Variants in FHOD3 observed in about 807,000 individuals in gnomAD.
FHOD3 encodes FH1/FH2 domain-containing protein 3.
Under a neutral mutation model 173.0 loss-of-function variants are expected in FHOD3, and 90 were observed. That is an observed-to-expected ratio of 0.52 (90% CI 0.44 to 0.62). FHOD3 has a LOEUF of 0.62. Ranked by LOEUF, FHOD3 falls within the 20% of genes least tolerant of loss-of-function variation. The probability of loss-of-function intolerance (pLI) is 0.00; values close to 1 mark genes in which losing one functional copy is unlikely to be tolerated. For synonymous variants in FHOD3, 828 were observed against 823.0 expected, an observed-to-expected ratio of 1.01 and a Z score of -0.10; for missense variants, 1,945 against 2,034.7, an observed-to-expected ratio of 0.96 and a Z score of 0.85.
chr18:36,723,209 G>A (rs970557262), intron 19 of FHOD3, among the ~76,000 whole-genome samples: 1 of 152,214 alleles, frequency 6.6e-6, no homozygotes, highest in South Asian at 2.1e-4. Flanking sequence ...TTAACAGTTG[G>A]CCTCTGCTCT....
chr18:36,706,617 T>C (rs893219524), intron 17 of FHOD3, among the ~76,000 whole-genome samples: 3 of 152,190 alleles, frequency 2.0e-5, no homozygotes, highest in Non-Finnish European at 4.4e-5. Context: ...GAATGGAACA[T>C]GGCAGTGCAC....
intron 3 of FHOD3, among the ~76,000 whole-genome samples, chr18:36,410,083 G>C (rs12956541): frequency 0.14 from 21,359 of 152,126 alleles, 1,941 homozygotes; most frequent in Middle Eastern, 0.33. Context: ...TTGTCACAGA[G>C]TTATGCAACC....
chr18:36,724,961 T>C (rs1476171466), intron 19 of FHOD3, among the ~76,000 whole-genome samples: 1 of 152,206 alleles, frequency 6.6e-6, no homozygotes, highest in East Asian at 1.9e-4. Flanking sequence ...AGAAGCAAGG[T>C]CCTCTCTTTC....
chr18:36,615,921 A>G (rs1397773168), intron 9 of FHOD3, among the ~76,000 whole-genome samples: 1 of 152,158 alleles, frequency 6.6e-6, no homozygotes, highest in African/African-American at 2.4e-5. Flanking sequence ...TGGGCCCAAC[A>G]TATTTGCTGG....
intron 3 of FHOD3, among the ~76,000 whole-genome samples, chr18:36,378,556 A>G (rs977693294): frequency 7.1e-6 from 1 of 141,464 alleles, no homozygotes; most frequent in Non-Finnish European, 1.5e-5. Flanking sequence ...TGGAATTGAC[A>G]GGTGTGTCCA....
At chr18:36,474,646 G>A (rs773258734) in intron 3 of FHOD3, among the ~76,000 whole-genome samples, 1 of 152,120 alleles carries the variant, frequency 6.6e-6, no homozygotes, top group Non-Finnish European at 1.5e-5. Flanking sequence ...GTAGGGTGGC[G>A]GCAAGCCTTG....
chr18:36,508,269 CTT>C (rs112692459), intron 4 of FHOD3, among the ~76,000 whole-genome samples: 3 of 145,954 alleles, frequency 2.1e-5, no homozygotes, highest in African/African-American at 7.5e-5. Context: ...AGCAAATAAG[CTT>C]TTTTTTTTTT....
intron 1 of FHOD3, among the ~76,000 whole-genome samples, chr18:36,309,405 A>G (rs934422547): frequency 3.3e-5 from 5 of 152,198 alleles, no homozygotes; most frequent in Admixed American, 3.3e-4. Flanking sequence ...GCAGAGTCCA[A>G]CTGCCCTTCT....
intron 20 of FHOD3, among the ~76,000 whole-genome samples, chr18:36,735,975 G>A (rs1268342990): frequency 1.3e-5 from 2 of 152,230 alleles, no homozygotes; most frequent in Admixed American, 6.5e-5. Flanking sequence ...TATACTTAGA[G>A]CAATGCTGGA....
chr18:36,495,376 C>G (rs532194992), intron 3 of FHOD3, among the ~76,000 whole-genome samples: 1 of 152,166 alleles, frequency 6.6e-6, no homozygotes, highest in African/African-American at 2.4e-5. Flanking sequence ...ATCTGCTCCC[C>G]TGCAACCTCC....
intron 3 of FHOD3, among the ~76,000 whole-genome samples, chr18:36,380,477 C>A (rs1375750690): frequency 1.4e-5 from 2 of 144,478 alleles, no homozygotes; most frequent in Non-Finnish European, 3.0e-5. Context: ...CCCTTCATTC[C>A]CCTCCCTCCC....
chr18:36,618,209 T>A (rs2033385101), intron 9 of FHOD3, among the ~76,000 whole-genome samples: 1 of 152,080 alleles, frequency 6.6e-6, no homozygotes, highest in Admixed American at 6.5e-5. Flanking sequence ...TTTACCTTGT[T>A]ATTTTTCTGG....
chr18:36,434,493 C>T (rs1211918461), intron 3 of FHOD3, among the ~76,000 whole-genome samples: 2 of 152,120 alleles, frequency 1.3e-5, no homozygotes, highest in Non-Finnish European at 2.9e-5. Context: ...TTAAGTAGTA[C>T]AAGTCTTCAA....
At chr18:36,420,664 A>G (rs2049940013) in intron 3 of FHOD3, among the ~76,000 whole-genome samples, 1 of 152,164 alleles carries the variant, frequency 6.6e-6, no homozygotes, top group South Asian at 2.1e-4. Context: ...ATTTTTTAAG[A>G]GCAGTGTTTG....
chr18:36,614,807 A>G (rs1487779467), intron 9 of FHOD3, among the ~76,000 whole-genome samples: 2 of 115,450 alleles, frequency 1.7e-5, no homozygotes, highest in Non-Finnish European at 3.7e-5. Context: ...GTGGAGAAAT[A>G]TTTATTCCGA....
chr18:36,653,556 A>G, intron 13 of FHOD3, 140 bp downstream of exon 13: 2 of 661,746 alleles, frequency 3.0e-6, no homozygotes, highest in South Asian at 2.0e-5. Flanking sequence ...ATAGGTATTA[A>G]TTACGTATTT....
chr18:36,752,517 A>T (rs1432093224), intron 24 of FHOD3, among the ~76,000 whole-genome samples: 1 of 152,202 alleles, frequency 6.6e-6, no homozygotes, highest in Non-Finnish European at 1.5e-5. Context: ...TCTTCATATC[A>T]TGTATTCTAA....
intron 14 of FHOD3, 100 bp downstream of exon 14, chr18:36,658,288 C>A: frequency 2.6e-6 from 2 of 761,852 alleles, no homozygotes; most frequent in South Asian, 3.6e-5. Context: ...AAAGACATAA[C>A]ATGAAGTATT....
intron 9 of FHOD3, 125 bp from the exon 10 acceptor site, chr18:36,625,386 G>A: frequency 2.5e-6 from 2 of 802,396 alleles, no homozygotes; most frequent in Non-Finnish European, 3.6e-6. Context: ...GGGAAGCTGA[G>A]GCGTGCAGTT....
Sources: allele counts gnomAD v4.1 joint callset (sites outside exome capture counted in the v4.1 genomes callset), GRCh38; gene constraint gnomAD v4.1.1; transcripts MANE v1.5; gene names NCBI Gene and HGNC (gene_info 2026-07-23, HGNC 2026-07-21).